The following ARHGEF38 variants were observed in gnomAD, a reference collection of about 807,000 sequenced individuals.
ARHGEF38 encodes the protein Rho guanine nucleotide exchange factor 38.
Under a neutral mutation model 79.9 loss-of-function variants are expected in ARHGEF38, and 79 were observed. The ratio of observed to expected loss-of-function variants is 0.99; its 90% CI spans 0.82 to 1.19. The LOEUF (loss-of-function observed/expected upper bound fraction) is 1.19. Ranked by LOEUF, ARHGEF38 falls within the 50% of genes most tolerant of loss-of-function variation. ARHGEF38 has a pLI of 0.00. For synonymous variants in ARHGEF38, 366 were observed against 328.3 expected, an observed-to-expected ratio of 1.11 and a Z score of -1.24; for missense variants, 962 against 907.2, an observed-to-expected ratio of 1.06 and a Z score of -0.78.
chr4:105,650,806 G>T (rs1730069013), intron 7 of ARHGEF38, among the ~76,000 whole-genome samples: 1 of 152,104 alleles, frequency 6.6e-6, no homozygotes, highest in Admixed American at 6.6e-5. Context: ...GGGCTAACTG[G>T]GTCCATTGCA....
At chr4:105,656,244 C>T (rs772230791) in intron 9 of ARHGEF38, among the ~76,000 whole-genome samples, 20 of 151,904 alleles carry the variant, frequency 1.3e-4, no homozygotes, top group African/African-American at 2.7e-4. Flanking sequence ...TTTGTAGAGG[C>T]GGGGTTTCAC....
At chr4:105,611,179 C>G (rs1728278717) in intron 2 of ARHGEF38, among the ~76,000 whole-genome samples, 1 of 151,912 alleles carries the variant, frequency 6.6e-6, no homozygotes, top group African/African-American at 2.4e-5. Flanking sequence ...AATAAAGTTT[C>G]CAGAGCAAAA....
At chr4:105,643,690 A>G (rs1578340627) in intron 5 of ARHGEF38, among the ~76,000 whole-genome samples, 1 of 152,292 alleles carries the variant, frequency 6.6e-6, no homozygotes, top group South Asian at 2.1e-4. Context: ...ACTGGCAAAT[A>G]GGGAAACAAG....
intron 9 of ARHGEF38, among the ~76,000 whole-genome samples, chr4:105,656,472 A>G (rs541880633): frequency 8.1e-4 from 124 of 152,286 alleles, no homozygotes; most frequent in African/African-American, 2.9e-3. Context: ...CCACGGTAAA[A>G]CATTTATTTT....
intron 13 of ARHGEF38, among the ~76,000 whole-genome samples, chr4:105,672,880 T>C (rs1290681061): frequency 6.6e-6 from 1 of 152,234 alleles, no homozygotes; most frequent in Non-Finnish European, 1.5e-5. Context: ...CTGAGGCTGC[T>C]CTCAAATCCT....
In ARHGEF38 at chr4:105,655,781, T is replaced by G. The variant is rs1361425029; in HGVS notation, c.1233+59T>G. On this transcript the variant is annotated intron_variant, in intron 9 of 13. Transcript: ENST00000420470. ...TAAATAGTGAGGTTGAAAGGAAAGC[T>G]GCTTTTTGTTTGTTTTTCTGGAGTC... 3 of 1,471,600 alleles carry G rather than the reference T, an allele frequency of 2.0e-6. No individual in the cohort carries two copies. In the African/African-American group the frequency reaches 4.2e-5, roughly 21 times the overall value. The allele number at this position is 1,471,600 out of a possible 1,614,324, so 91.2% of individuals were successfully genotyped here. A position where few individuals can be genotyped will look rare whatever the true frequency, so the allele number is the denominator to read the frequency against.
At chr4:105,649,558 T>C (rs756727285) in intron 7 of ARHGEF38, among the ~76,000 whole-genome samples, 2 of 152,238 alleles carry the variant, frequency 1.3e-5, no homozygotes, top group Non-Finnish European at 2.9e-5. Flanking sequence ...TTAGGGAAGA[T>C]AGTTCTTAGT....
At chr4:105,587,530 G>A (rs1056494697) in intron 1 of ARHGEF38, among the ~76,000 whole-genome samples, 5 of 152,012 alleles carry the variant, frequency 3.3e-5, no homozygotes, top group South Asian at 4.2e-4. Context: ...GCACGATCTC[G>A]GCTCACTGCA....
At chr4:105,645,519 T>C in intron 6 of ARHGEF38, 132 bp downstream of exon 6, 1 of 786,614 alleles carries the variant, frequency 1.3e-6, no homozygotes, top group Non-Finnish European at 1.9e-6. Flanking sequence ...AATTAGAAGC[T>C]GGAGAGAAGA....
intron 1 of ARHGEF38, among the ~76,000 whole-genome samples, chr4:105,555,161 C>T (rs917428545): frequency 6.6e-6 from 1 of 152,122 alleles, no homozygotes; most frequent in Non-Finnish European, 1.5e-5. Context: ...CTTTCCTGTG[C>T]TCTGTTGGAT....
At chr4:105,558,546 C>A (rs531166361) in intron 1 of ARHGEF38, among the ~76,000 whole-genome samples, 2 of 152,134 alleles carry the variant, frequency 1.3e-5, no homozygotes. Context: ...AAAGGCAAGA[C>A]GCTTTAAAAA....
chr4:105,571,514 G>T (rs1028876228), intron 1 of ARHGEF38, among the ~76,000 whole-genome samples: 1 of 151,754 alleles, frequency 6.6e-6, no homozygotes, highest in African/African-American at 2.4e-5. Flanking sequence ...AGTAAAGACG[G>T]GTTTCACTGT....
rs986184016 is a variant in ARHGEF38, at chr4:105,648,547, A to T, written c.875-2A>T. The stretch of plus-strand genomic sequence containing the variant: ...CTACGTTATTACATTCTTCCTTTTC[A>T]GTTCTAAAATACAAGAAGAATGACG... On this transcript the variant is annotated splice_acceptor_variant, in intron 6 of 13. Coordinates refer to ENST00000420470, the MANE Select transcript of ARHGEF38 (RefSeq NM_001242729.2). LOFTEE classifies it high-confidence loss of function. 2.0e-6 allele frequency: 3 copies of T among 1,500,756 alleles called. No homozygotes were observed. Among genetic ancestry groups the T allele is most frequent in the African/African-American group, 2.8e-5 (2 of 71,550 alleles). The allele number at this position is 1,500,756 out of a possible 1,614,324, so 93.0% of individuals were successfully genotyped here. A position where few individuals can be genotyped will look rare whatever the true frequency, so the allele number is the denominator to read the frequency against.
intron 9 of ARHGEF38, among the ~76,000 whole-genome samples, 190 bp from the exon 10 acceptor site, chr4:105,658,864 C>A (rs551115353): frequency 6.6e-6 from 1 of 152,264 alleles, no homozygotes; most frequent in Non-Finnish European, 1.5e-5. Flanking sequence ...CAACCTAGAG[C>A]TCCTGTTTTA....
At chr4:105,562,526 T>A (rs967521038) in intron 1 of ARHGEF38, among the ~76,000 whole-genome samples, 4 of 152,182 alleles carry the variant, frequency 2.6e-5, no homozygotes, top group Non-Finnish European at 5.9e-5. Flanking sequence ...AGAAAGATTA[T>A]AAATAAATAA....
chr4:105,576,657 C>A (rs1342720312), intron 1 of ARHGEF38, among the ~76,000 whole-genome samples: 1 of 152,052 alleles, frequency 6.6e-6, no homozygotes. Context: ...AGTGGATCCC[C>A]TTATTTTCTT....
chr4:105,661,819 T>C (rs1414045885), intron 10 of ARHGEF38, among the ~76,000 whole-genome samples: 1 of 152,156 alleles, frequency 6.6e-6, no homozygotes, highest in Non-Finnish European at 1.5e-5. Flanking sequence ...ACCTGTTTTG[T>C]ACTTCATATA....
At chr4:105,643,064 T>C (rs920295584) in intron 5 of ARHGEF38, among the ~76,000 whole-genome samples, 2 of 151,952 alleles carry the variant, frequency 1.3e-5, no homozygotes, top group Non-Finnish European at 2.9e-5. Context: ...TAAGAAAATG[T>C]CCTTCATATT....
At chr4:105,561,329 G>A (rs191550562) in intron 1 of ARHGEF38, among the ~76,000 whole-genome samples, 1 of 151,970 alleles carries the variant, frequency 6.6e-6, no homozygotes, top group East Asian at 1.9e-4. Flanking sequence ...TCAAACCTGG[G>A]AGGCAGAAGT....
Sources: allele counts gnomAD v4.1 joint callset (sites outside exome capture counted in the v4.1 genomes callset), GRCh38; gene constraint gnomAD v4.1.1; transcripts MANE v1.5; gene names NCBI Gene and HGNC (gene_info 2026-07-23, HGNC 2026-07-21).